The following VAT1L variants were observed in gnomAD, a reference collection of about 807,000 sequenced individuals.
VAT1L encodes vesicle amine transport 1 like.
A neutral mutation model predicts 44.1 loss-of-function variants in VAT1L; 34 were observed. The ratio of observed to expected loss-of-function variants is 0.77; its 90% confidence interval spans 0.59 to 1.03. The LOEUF (loss-of-function observed/expected upper bound fraction) is 1.03, where lower values mean the gene tolerates loss of function less well. Ranked by LOEUF, VAT1L falls within the 50% of genes least tolerant of loss-of-function variation. The pLI is 0.00. For missense variants in VAT1L, 615 were observed against 538.8 expected (o/e 1.14, Z -1.40); for synonymous variants, 253 against 202.2 (o/e 1.25, Z -2.13).
intron 7 of VAT1L, among the ~76,000 whole-genome samples, chr16:77,948,793 G>T (rs34553670): frequency 0.13 from 20,121 of 152,116 alleles, 1,407 homozygotes; most frequent in Middle Eastern, 0.21. Flanking sequence ...ACCTTAGGCA[G>T]GTTAATTAAT....
chr16:77,791,993 T>G (rs2015843624), intron 1 of VAT1L, among the ~76,000 whole-genome samples: 1 of 152,138 alleles, frequency 6.6e-6, no homozygotes, highest in Non-Finnish European at 1.5e-5. Flanking sequence ...GAGAGGGACT[T>G]GAATATAAGC....
At chr16:77,896,374 C>A (rs559691244) in intron 7 of VAT1L, among the ~76,000 whole-genome samples, 6,171 of 152,264 alleles carry the variant, frequency 0.041, 244 homozygotes, top group East Asian at 0.16. Flanking sequence ...GCTTGCCTCC[C>A]TCATTGACAT....
intron 7 of VAT1L, among the ~76,000 whole-genome samples, chr16:77,966,507 G>A (rs760245895): frequency 6.8e-4 from 103 of 152,120 alleles, no homozygotes; most frequent in Non-Finnish European, 1.4e-3. Flanking sequence ...CGTAAGTGGT[G>A]GACGTGAGTG....
At chr16:77,817,528 T>G (rs2016377439) in intron 2 of VAT1L, among the ~76,000 whole-genome samples, 2 of 152,090 alleles carry the variant, frequency 1.3e-5, no homozygotes, top group African/African-American at 4.8e-5. Flanking sequence ...CTTCAGGAAT[T>G]GGGGAGGTAG....
At chr16:77,794,405 G>C (rs957283965) in intron 1 of VAT1L, among the ~76,000 whole-genome samples, 2 of 152,094 alleles carry the variant, frequency 1.3e-5, no homozygotes, top group African/African-American at 4.8e-5. Flanking sequence ...TATGACTGTT[G>C]ACCCAGAACA....
At chr16:77,927,062 G>A (rs1018783860) in intron 7 of VAT1L, among the ~76,000 whole-genome samples, 8 of 152,116 alleles carry the variant, frequency 5.3e-5, no homozygotes, top group Non-Finnish European at 7.4e-5. Flanking sequence ...GTTATGGCCC[G>A]GCGCGGTGGC....
intron 4 of VAT1L, among the ~76,000 whole-genome samples, chr16:77,865,348 C>T (rs189199543): frequency 1.3e-5 from 2 of 152,210 alleles, no homozygotes; most frequent in East Asian, 3.9e-4. Context: ...GTCATTGTTT[C>T]TTTGACTTCC....
At position 77,884,689 on chromosome 16, in the gene VAT1L, C is replaced by T. The variant is rs1381710411; in HGVS notation, c.964C>T (p.Leu322Phe). The change falls in exon 7 of 9, where the codon CTC (leucine) becomes TTC (phenylalanine). Residue 322 changes from leucine (L) to phenylalanine (F), a missense_variant. By Grantham distance (22) the Leu-to-Phe change is conservative. Coordinates refer to ENST00000302536, the MANE Select transcript of VAT1L (RefSeq NM_020927.3). The surrounding 1 kb of genome is among the most constrained non-coding windows in gnomAD (Gnocchi z 4.5). Reference sequence around the variant, plus strand: ...CGCGGGGTTTTCCCTTTTAAATCTGCTCTTCAAACAAGGCCGGGCGGGCCT... The same window carrying T: ...CGCGGGGTTTTCCCTTTTAAATCTGTTCTTCAAACAAGGCCGGGCGGGCCT... ...VIAGFSLLNL[L>F]FKQGRAGLIR... The T allele has an allele frequency of 4.3e-6, 7 of 1,612,688 alleles. No individual in the cohort carries two copies. Among genetic ancestry groups the T allele is most frequent in the African/African-American group, 2.7e-5 (2 of 74,860 alleles).
intron 4 of VAT1L, among the ~76,000 whole-genome samples, chr16:77,864,733 T>C (rs1185098541): frequency 6.6e-6 from 1 of 152,210 alleles, no homozygotes; most frequent in Non-Finnish European, 1.5e-5. Flanking sequence ...GGAAGTTTCT[T>C]GAAAAGGAGG....
intron 7 of VAT1L, among the ~76,000 whole-genome samples, chr16:77,887,338 T>A (rs1437447131): frequency 6.6e-6 from 1 of 152,124 alleles, no homozygotes; most frequent in Admixed American, 6.6e-5. Context: ...CACATCCTGG[T>A]CCCAAGGGTG....
rs1175420030 is a variant in VAT1L, at chr16:77,979,031, A to T, written c.*1336A>T. ...ACCCCAACTTTGTGTTCTGAAAAAC[A>T]TCAGAGGGATTTTACATTGCCCAGT... On this transcript the variant is annotated 3_prime_UTR_variant, in exon 9 of 9. Transcript: ENST00000302536. The T allele has an allele frequency of 6.6e-6, 1 of 152,268 alleles. No individual in the cohort carries two copies. Among genetic ancestry groups the T allele is most frequent in the African/African-American group, 2.4e-5 (1 of 41,450 alleles). 9.4% of individuals were successfully genotyped at this position (152,268 alleles called of 1,614,324 possible). A position where few individuals can be genotyped will look rare whatever the true frequency, so the allele number is the denominator to read the frequency against.
At chr16:77,956,705 T>C (rs1380467571) in intron 7 of VAT1L, among the ~76,000 whole-genome samples, 1 of 152,188 alleles carries the variant, frequency 6.6e-6, no homozygotes, top group African/African-American at 2.4e-5. Context: ...GGATCCAATA[T>C]ATACCCCGCT....
intron 7 of VAT1L, among the ~76,000 whole-genome samples, chr16:77,944,899 C>T (rs2017940381): frequency 6.6e-6 from 1 of 152,082 alleles, no homozygotes; most frequent in South Asian, 2.1e-4. Context: ...GGGCAGGTTT[C>T]TCCTAGTCTG....
At chr16:77,929,353 A>T (rs1367107608) in intron 7 of VAT1L, among the ~76,000 whole-genome samples, 2 of 152,170 alleles carry the variant, frequency 1.3e-5, no homozygotes, top group Non-Finnish European at 2.9e-5. Flanking sequence ...GAGGAGTTAT[A>T]TGAGCCCTCT....
At chr16:77,892,117 A>G (rs1018965537) in intron 7 of VAT1L, among the ~76,000 whole-genome samples, 1 of 152,174 alleles carries the variant, frequency 6.6e-6, no homozygotes, top group Non-Finnish European at 1.5e-5. Flanking sequence ...AGAAGGTGGA[A>G]TGGCCCGAGT....
Position 77,879,578 on chromosome 16 carries a change from A to G in VAT1L, c.882+354A>G, listed in dbSNP as rs914440961. On this transcript the variant is annotated intron_variant, in intron 6 of 8. Coordinates refer to ENST00000302536, the MANE Select transcript of VAT1L (RefSeq NM_020927.3). This position sits in a 1 kb window ranked among gnomAD's most constrained non-coding sequence, Gnocchi z 4.1. ...TGGGATTACAGGCGTGAGCCACCGC[A>G]CCCAGCTGTGAGCTCTTCTATCATA... 7.2e-5 allele frequency among the ~76,000 whole-genome samples: 11 copies of G among 152,068 alleles called. No individual in the cohort carries two copies. The highest frequency in any genetic ancestry group is 1.3e-4 in the Non-Finnish European group (9 of 68,000).
chr16:77,970,665 G>C (rs1185891837), intron 7 of VAT1L, among the ~76,000 whole-genome samples: 1 of 152,174 alleles, frequency 6.6e-6, no homozygotes, highest in Non-Finnish European at 1.5e-5. Flanking sequence ...AAGCAATACT[G>C]TAATTGAGTA....
chr16:77,852,234 T>G (rs1010586462), intron 3 of VAT1L, among the ~76,000 whole-genome samples: 1 of 152,228 alleles, frequency 6.6e-6, no homozygotes, highest in Non-Finnish European at 1.5e-5. Flanking sequence ...GGAGGGGCTG[T>G]CACTGGTGTG....
chr16:77,867,093 A>C (rs930021863), intron 4 of VAT1L, among the ~76,000 whole-genome samples: 1 of 152,162 alleles, frequency 6.6e-6, no homozygotes, highest in East Asian at 1.9e-4. Context: ...ACCTGAGACA[A>C]TCCTGCAAGG....
Sources: allele counts gnomAD v4.1 joint callset (sites outside exome capture counted in the v4.1 genomes callset), GRCh38; gene constraint gnomAD v4.1.1; non-coding constraint Gnocchi (gnomAD v3.1); transcripts MANE v1.5; gene names NCBI Gene and HGNC (gene_info 2026-07-23, HGNC 2026-07-21).